Variants in EHF observed in about 807,000 individuals in gnomAD.
EHF encodes ESE3 transcription factor.
In EHF, 14 loss-of-function variants were observed where a neutral mutation model predicts 45.1. The ratio of observed to expected loss-of-function variants is 0.31; its 90% confidence interval spans 0.21 to 0.49. The LOEUF (loss-of-function observed/expected upper bound fraction) is 0.49, where lower values mean the gene tolerates loss of function less well. EHF is among the 20% of genes least tolerant of loss of function. The pLI is 0.99. For synonymous variants in EHF, 136 were observed against 131.8 expected (o/e 1.03, Z -0.22); for missense variants, 282 against 371.4 (o/e 0.76, Z 1.98).
At chr11:34,629,402 C>T (rs536560250) in intron 1 of EHF, among the ~76,000 whole-genome samples, 1 of 152,268 alleles carries the variant, frequency 6.6e-6, no homozygotes, top group Non-Finnish European at 1.5e-5. Context: ...TGGTGTGCCA[C>T]GAGTCTAGTG....
At chr11:34,639,344 C>T (rs1853757542) in intron 1 of EHF, among the ~76,000 whole-genome samples, 1 of 152,146 alleles carries the variant, frequency 6.6e-6, no homozygotes, top group Admixed American at 6.5e-5. Flanking sequence ...TTTTTATACC[C>T]CAGAAAGCAA....
At chr11:34,626,662 G>A (rs1025300568) in intron 1 of EHF, among the ~76,000 whole-genome samples, 1 of 152,180 alleles carries the variant, frequency 6.6e-6, no homozygotes, top group Non-Finnish European at 1.5e-5. Flanking sequence ...TCACCTTTTA[G>A]TCATCTTAAT....
At chr11:34,642,788 C>T (rs1043419752) in intron 2 of EHF, 61 bp downstream of exon 2, 12 of 1,181,724 alleles carry the variant, frequency 1.0e-5, no homozygotes, top group Non-Finnish European at 1.5e-5. Flanking sequence ...TGCTTTAATT[C>T]CTCTCACAAC....
chr11:34,656,823 A>T lies in EHF; in HGVS notation c.545-85A>T, dbSNP rs937419312. The T allele has an allele frequency of 2.7e-6, 4 of 1,486,628 alleles. No individual in the cohort carries two copies. The African/African-American group carries it at 5.6e-5, about 21-fold the overall frequency. The allele number at this position is 1,486,628 out of a possible 1,614,324, so 92.1% of individuals were successfully genotyped here. A position where few individuals can be genotyped will look rare whatever the true frequency, so the allele number is the denominator to read the frequency against. ...CAGGCATGCAGTAGGTGCTCAGTAA[A>T]TATTGTTTAAATGAGTGGATGCATG... On this transcript the variant is annotated intron_variant, in intron 6 of 8. Transcript: ENST00000257831.
intron 3 of EHF, among the ~76,000 whole-genome samples, chr11:34,648,770 T>G (rs903490947): frequency 2.0e-5 from 3 of 152,212 alleles, no homozygotes; most frequent in Non-Finnish European, 4.4e-5. Flanking sequence ...CCATACTGAA[T>G]GCCTTTACTA....
At chr11:34,636,653 A>C (rs116862456) in intron 1 of EHF, among the ~76,000 whole-genome samples, 2,180 of 152,344 alleles carry the variant, frequency 0.014, 26 homozygotes, top group Non-Finnish European at 0.017. Context: ...CAAGGTCAAC[A>C]TAGCCCACCA....
At position 34,660,280 on chromosome 11, in the gene EHF, T is replaced by C. The variant is rs1856002717; in HGVS notation, c.*1349T>C. On this transcript the variant is annotated 3_prime_UTR_variant, in exon 9 of 9. Transcript: ENST00000257831. ...TTACAAAGCAGAATTAAAATTATAT[T>C]GTAGAAGGAAACACCAAGAAAAGAA... The C allele has an allele frequency of 6.6e-6, 1 of 152,122 alleles. No individual in the cohort carries two copies. 9.4% of individuals were successfully genotyped at this position (152,122 alleles called of 1,614,324 possible).
chr11:34,636,662 C>T (rs1016172316), intron 1 of EHF, among the ~76,000 whole-genome samples: 2 of 152,204 alleles, frequency 1.3e-5, no homozygotes, highest in Non-Finnish European at 2.9e-5. Context: ...CATAGCCCAC[C>T]AAGCCACAGT....
At chr11:34,657,933 G>GAGTAA (rs796877013) in intron 7 of EHF, among the ~76,000 whole-genome samples, 2 of 152,162 alleles carry the variant, frequency 1.3e-5, no homozygotes, top group African/African-American at 4.8e-5. Flanking sequence ...AATTCAGTGG[G>GAGTAA]AGTAAAGTTG....
At chr11:34,627,268 T>C (rs961663962) in intron 1 of EHF, among the ~76,000 whole-genome samples, 6 of 152,066 alleles carry the variant, frequency 3.9e-5, no homozygotes, top group African/African-American at 1.4e-4. Flanking sequence ...TTGAACCTTG[T>C]TTTGAGTCAA....
At chr11:34,653,465 C>T (rs748240945) in intron 6 of EHF, among the ~76,000 whole-genome samples, 3 of 152,114 alleles carry the variant, frequency 2.0e-5, no homozygotes, top group Admixed American at 1.3e-4. Context: ...CTGAGTCCAC[C>T]GATTGTATTT....
chr11:34,632,383 T>A, intron 1 of EHF: 1 of 1,219,984 alleles, frequency 8.2e-7, no homozygotes, highest in Non-Finnish European at 1.1e-6. Flanking sequence ...TTACGGTGGG[T>A]TTTATGTTAA....
chr11:34,645,059 A>G (rs185855433), intron 2 of EHF, among the ~76,000 whole-genome samples: 1 of 152,250 alleles, frequency 6.6e-6, no homozygotes, highest in Admixed American at 6.5e-5. Context: ...GGGATGCAAT[A>G]GTCTTTGCCC....
Position 34,662,496 on chromosome 11 carries a change from T to C in EHF, c.*3565T>C, listed in dbSNP as rs7130405. On this transcript the variant is annotated 3_prime_UTR_variant, in exon 9 of 9. Transcript: ENST00000257831. The stretch of plus-strand genomic sequence containing the variant: ...TTGACCTGTTTTAACCAATGAAGAT[T>C]ATGAATATGTTAATATGATGTAAAT... 3.2e-3 allele frequency among the ~76,000 whole-genome samples: 489 copies of C among 152,218 alleles called. 5 individuals carry two copies. The highest frequency in any genetic ancestry group is 0.011 in the African/African-American group (469 of 41,550).
chr11:34,646,501 C>T lies in EHF; in HGVS notation c.160C>T (p.Gln54Ter). The T allele has an allele frequency of 1.2e-6, 2 of 1,614,092 alleles. No homozygotes were observed. Among genetic ancestry groups the T allele is most frequent in the East Asian group, 2.2e-5 (1 of 44,878 alleles). The change falls in exon 3 of 9, where the codon CAG becomes TAG. Residue 54 changes from glutamine to a stop codon, truncating the protein, a stop_gained. Coordinates refer to ENST00000257831, the MANE Select transcript of EHF (RefSeq NM_012153.6). LOFTEE classifies it high-confidence loss of function. The part of the protein sequence containing the change: ...EIHPQYWTKY[Q>*]VWEWLQHLLD... ...TCATCCTCAGTACTGGACCAAGTAC[C>T]AGGTGTGGGAGTGGCTCCAGCACCT...
intron 7 of EHF, among the ~76,000 whole-genome samples, chr11:34,658,031 C>T (rs1446865334): frequency 2.0e-5 from 3 of 152,066 alleles, no homozygotes; most frequent in Non-Finnish European, 1.5e-5. Context: ...TCCCTACCAC[C>T]CTCATCTATT....
intron 7 of EHF, among the ~76,000 whole-genome samples, chr11:34,658,007 C>A (rs970583875): frequency 1.3e-5 from 2 of 151,970 alleles, no homozygotes; most frequent in African/African-American, 4.8e-5. Context: ...CCAGTCCCTG[C>A]GTGACCACCC....
chr11:34,651,396 G>T, intron 4 of EHF, 146 bp from the exon 5 acceptor site: 1 of 654,594 alleles, frequency 1.5e-6, no homozygotes, highest in Non-Finnish European at 2.7e-6. Context: ...ATAAAGTAAC[G>T]CAGCTGAAGC....
intron 6 of EHF, 111 bp from the exon 7 acceptor site, chr11:34,656,797 C>A: frequency 1.7e-6 from 2 of 1,205,710 alleles, no homozygotes; most frequent in Admixed American, 4.5e-5. Context: ...CTCAAAGGTG[C>A]CAGGCATGCA....
Sources: gnomAD v4.1 joint callset for allele counts (sites outside exome capture counted in the v4.1 genomes callset) on GRCh38, gnomAD v4.1.1 for gene constraint, MANE v1.5 for transcripts, NCBI Gene and HGNC (gene_info 2026-07-23, HGNC 2026-07-21) for gene names.